PTGER4: variants seen among roughly 807,000 people sequenced by gnomAD.
PTGER4 encodes prostaglandin E receptor 4.
Under a neutral mutation model 33.2 loss-of-function variants are expected in PTGER4, and 11 were observed. The observed-to-expected ratio is 0.33, with a 90% CI of 0.21 to 0.55. The LOEUF is 0.55. Among genes scored for constraint, PTGER4 ranks in the 20% least tolerant of loss-of-function variants. The pLI, the probability that PTGER4 is intolerant of heterozygous loss-of-function variation, is 0.92. For missense variants in PTGER4, 481 were observed against 650.2 expected (o/e 0.74, Z 2.83); for synonymous variants, 275 against 281.5 (o/e 0.98, Z 0.23).
the PTGER4 span, among the ~76,000 whole-genome samples, chr5:40,710,901 G>A: frequency 6.6e-6 from 1 of 152,066 alleles, no homozygotes; most frequent in African/African-American, 2.4e-5. Context: ...CACAGGGCAG[G>A]GAACATCACA....
At chr5:40,716,054 T>C in the PTGER4 span, 1 of 1,079,442 alleles carries the variant, frequency 9.3e-7, no homozygotes, top group South Asian at 1.8e-5. Context: ...AACCAGGCGT[T>C]CTCCTATCTA....
chr5:40,716,399 T>G, the PTGER4 span: 7 of 1,613,906 alleles, frequency 4.3e-6, no homozygotes, highest in Non-Finnish European at 5.9e-6. Flanking sequence ...TGTGCTACCT[T>G]CTGCTGCTCC....
chr5:40,727,628 C>T, the PTGER4 span, among the ~76,000 whole-genome samples: 4,358 of 152,292 alleles, frequency 0.029, 85 homozygotes, highest in Non-Finnish European at 0.039. Flanking sequence ...CCATATTCTA[C>T]TGTCTTCCTT....
rs1454117987 is a variant in PTGER4 at position 40,681,031 on chromosome 5, G to A, written c.38G>A (p.Ser13Asn). 3.7e-6 allele frequency: 6 copies of A among 1,613,910 alleles called. No individual in the cohort carries two copies. The highest frequency in any genetic ancestry group is 3.4e-6 in the Non-Finnish European group (4 of 1,179,944). ...TPGVNSSASL[S>N]PDRLNSPVTI... ...GGGGTCAATTCGTCCGCCTCCTTGA[G>A]CCCCGACCGGCTGAACAGCCCAGTG... The change falls in exon 2 of 3, where the codon AGC becomes AAC. Residue 13 changes from serine (S) to asparagine (N), a missense_variant. Physicochemically the swap from Ser to Asn is conservative, Grantham distance 46. Coordinates refer to ENST00000302472, the MANE Select transcript of PTGER4 (RefSeq NM_000958.3). The surrounding 1 kb of genome is among the most constrained non-coding windows in gnomAD (Gnocchi z 9.8).
At chr5:40,722,952 T>C in the PTGER4 span, among the ~76,000 whole-genome samples, 4 of 152,262 alleles carry the variant, frequency 2.6e-5, no homozygotes, top group Admixed American at 2.0e-4. Context: ...CAACAGCTCA[T>C]TGAGAGCGGG....
chr5:40,731,632 A>G, the PTGER4 span, among the ~76,000 whole-genome samples: 4 of 152,222 alleles, frequency 2.6e-5, no homozygotes, highest in Non-Finnish European at 5.9e-5. Flanking sequence ...TGAGACCAGC[A>G]TGGCAGAAAC....
At position 40,693,396 on chromosome 5, in the gene PTGER4, TC is replaced by T. The variant is rs776326108; in HGVS notation, c.*1020del. The T allele has an allele frequency of 7.6e-5, 75 of 984,778 alleles. No individual in the cohort carries two copies. The highest frequency in any genetic ancestry group is 8.9e-5 in the Non-Finnish European group (74 of 828,982). The allele number at this position is 984,778 out of a possible 1,614,324, so 61.0% of individuals were successfully genotyped here. A position where few individuals can be genotyped will look rare whatever the true frequency, so the allele number is the denominator to read the frequency against. ...CTTTCCTAAGGAATTACCAAGAATA[TC>T]CTTTAAAATTTAAAAGGATGGCAAG... On this transcript the variant is annotated 3_prime_UTR_variant, in exon 3 of 3. Transcript: ENST00000302472.
chr5:40,693,536 A>G lies in PTGER4; in HGVS notation c.*1158A>G. On this transcript the variant is annotated 3_prime_UTR_variant, in exon 3 of 3. Transcript: ENST00000302472. Reference sequence around the variant, plus strand: ...GGGCACTTAATGGTCACCTTGTAACAGTTTTGTGTAACTCCCAGTGATGCT... The same window carrying G: ...GGGCACTTAATGGTCACCTTGTAACGGTTTTGTGTAACTCCCAGTGATGCT... 2 of 985,910 alleles carry G rather than the reference A, an allele frequency of 2.0e-6. No homozygotes were observed. Among genetic ancestry groups the G allele is most frequent in the Non-Finnish European group, 2.4e-6 (2 of 829,846 alleles). The allele number at this position is 985,910 out of a possible 1,614,324, so 61.1% of individuals were successfully genotyped here. A position where few individuals can be genotyped will look rare whatever the true frequency, so the allele number is the denominator to read the frequency against.
At chr5:40,721,863 C>A in the PTGER4 span, among the ~76,000 whole-genome samples, 1 of 152,048 alleles carries the variant, frequency 6.6e-6, no homozygotes, top group Non-Finnish European at 1.5e-5. Flanking sequence ...TAAAAGGAAA[C>A]CTATGGAATG....
intron 2 of PTGER4, among the ~76,000 whole-genome samples, chr5:40,687,856 C>T (rs930417960): frequency 2.0e-5 from 3 of 152,106 alleles, no homozygotes; most frequent in Non-Finnish European, 4.4e-5. Context: ...GTAAACTTTT[C>T]CTCCCCCATG....
chr5:40,746,537 C>T, the PTGER4 span, among the ~76,000 whole-genome samples: 2 of 152,076 alleles, frequency 1.3e-5, no homozygotes, highest in Non-Finnish European at 2.9e-5. Flanking sequence ...CTTCTTTAGG[C>T]ACAACAAAAA....
At position 40,680,856 on chromosome 5, in the gene PTGER4, T is replaced by A. The variant is rs1425102305; in HGVS notation, c.-43-95T>A. ...AAGTAGGATCGAGTTGCTCCCCTTGTCTTATCAGTGTATCGTTTCTCGGGC... is the reference window on the plus strand; with the variant it reads ...AAGTAGGATCGAGTTGCTCCCCTTGACTTATCAGTGTATCGTTTCTCGGGC... On this transcript the variant is annotated intron_variant, in intron 1 of 2. Coordinates refer to ENST00000302472, the MANE Select transcript of PTGER4 (RefSeq NM_000958.3). This position sits in a 1 kb window ranked among gnomAD's most constrained non-coding sequence, Gnocchi z 5.5. The A allele has an allele frequency of 2.7e-6, 3 of 1,114,806 alleles. No individual in the cohort carries two copies. The highest frequency in any genetic ancestry group is 2.3e-5 in the Admixed American group (1 of 43,302). 69.1% of individuals were successfully genotyped at this position (1,114,806 alleles called of 1,614,324 possible).
chr5:40,716,078 T>C, the PTGER4 span: 2 of 1,317,692 alleles, frequency 1.5e-6, no homozygotes, highest in Non-Finnish European at 2.1e-6. Flanking sequence ...CCAGAGTAAA[T>C]GTCTCTATGT....
chr5:40,706,420 C>A, the PTGER4 span, among the ~76,000 whole-genome samples: 9 of 152,196 alleles, frequency 5.9e-5, no homozygotes, highest in African/African-American at 2.2e-4. Flanking sequence ...ATACAACAAA[C>A]CCTCATGACA....
the PTGER4 span, among the ~76,000 whole-genome samples, chr5:40,723,125 T>C: frequency 6.6e-6 from 1 of 152,270 alleles, no homozygotes; most frequent in African/African-American, 2.4e-5. Context: ...TGTTAATCTA[T>C]AACCTTACCC....
At chr5:40,744,791 T>G in the PTGER4 span, among the ~76,000 whole-genome samples, 1 of 152,172 alleles carries the variant, frequency 6.6e-6, no homozygotes, top group South Asian at 2.1e-4. Flanking sequence ...GGACAATGCT[T>G]TAAGATTTTT....
At chr5:40,725,934 C>T in the PTGER4 span, among the ~76,000 whole-genome samples, 2 of 151,834 alleles carry the variant, frequency 1.3e-5, no homozygotes, top group African/African-American at 4.8e-5. Context: ...TACAGGCGCC[C>T]GCCACCACGT....
chr5:40,687,485 G>A (rs1248662481), intron 2 of PTGER4, among the ~76,000 whole-genome samples: 1 of 152,184 alleles, frequency 6.6e-6, no homozygotes, highest in East Asian at 1.9e-4. Context: ...CCCCTCACGA[G>A]ACATTGAAGC....
intron 2 of PTGER4, among the ~76,000 whole-genome samples, chr5:40,689,894 A>G (rs10060234): frequency 0.69 from 104,735 of 152,080 alleles, 36,118 homozygotes; most frequent in East Asian, 0.8. Flanking sequence ...TATGGCAATT[A>G]TTTTTATTTC....
Sources: gnomAD v4.1 joint callset for allele counts (sites outside exome capture counted in the v4.1 genomes callset) on GRCh38, gnomAD v4.1.1 for gene constraint, Gnocchi (gnomAD v3.1) non-coding constraint, MANE v1.5 for transcripts, NCBI Gene and HGNC (gene_info 2026-07-23, HGNC 2026-07-21) for gene names.